RIPOR2: variants seen among roughly 807,000 people sequenced by gnomAD.
The protein encoded by RIPOR2 is rho family-interacting cell polarization regulator 2.
Under a neutral mutation model 114.5 loss-of-function variants are expected in RIPOR2, and 39 were observed. The ratio of observed to expected loss-of-function variants is 0.34; its 90% CI spans 0.26 to 0.44. The LOEUF (loss-of-function observed/expected upper bound fraction) is 0.44. Ranked by LOEUF, RIPOR2 falls within the 20% of genes least tolerant of loss-of-function variation. The pLI is 1.00. For synonymous variants in RIPOR2, 445 were observed against 484.4 expected (o/e 0.92, Z 1.07); for missense variants, 1,007 against 1,255.1 (o/e 0.80, Z 2.99).
intron 1 of RIPOR2, among the ~76,000 whole-genome samples, chr6:24,894,624 T>C (rs1720835294): frequency 6.6e-6 from 1 of 152,166 alleles, no homozygotes; most frequent in Non-Finnish European, 1.5e-5. Flanking sequence ...GCTCACATGG[T>C]TTAAGAACAG....
chr6:25,019,452 G>T (rs1448459357), intron 1 of RIPOR2, among the ~76,000 whole-genome samples: 1 of 152,150 alleles, frequency 6.6e-6, no homozygotes, highest in Non-Finnish European at 1.5e-5. Flanking sequence ...ATTGTATAAA[G>T]ATATTAATTC....
intron 8 of RIPOR2, among the ~76,000 whole-genome samples, chr6:24,856,617 C>T (rs2113809190): frequency 6.6e-6 from 1 of 152,002 alleles, no homozygotes; most frequent in East Asian, 1.9e-4. Context: ...TAGCCGGGTG[C>T]GATGGTGGGC....
intron 1 of RIPOR2, among the ~76,000 whole-genome samples, chr6:24,999,108 A>C (rs1775179995): frequency 6.6e-6 from 1 of 152,172 alleles, no homozygotes; most frequent in African/African-American, 2.4e-5. Flanking sequence ...GGAAACTTAC[A>C]GGGTGGTTAC....
chr6:24,859,578 C>G (rs1045695801), intron 8 of RIPOR2, among the ~76,000 whole-genome samples: 1 of 152,178 alleles, frequency 6.6e-6, no homozygotes, highest in African/African-American at 2.4e-5. Flanking sequence ...GACTCAGTAG[C>G]AAAGCAAGTG....
At chr6:24,893,783 C>G (rs909630326) in intron 1 of RIPOR2, among the ~76,000 whole-genome samples, 16 of 152,156 alleles carry the variant, frequency 1.1e-4, no homozygotes, top group African/African-American at 3.9e-4. Flanking sequence ...GTCAGGGAAC[C>G]TTAGATTTTG....
rs548599992 is a variant in RIPOR2 at position 24,934,765 on chromosome 6, C to T, written c.61+1073G>A. The stretch of plus-strand genomic sequence containing the variant: ...AAAAAGCTTTTGCCTATAGCCCAAT[C>T]TCATAGGCAGCATTTGAACAAAACA... On this transcript the variant is annotated intron_variant, in intron 1 of 21. Coordinates refer to ENST00000643898, the MANE Select transcript of RIPOR2 (RefSeq NM_001286445.3). Among the ~76,000 whole-genome samples the T allele has an allele frequency of 7.2e-5, 11 of 152,314 alleles. No individual in the cohort carries two copies. In the South Asian group the frequency reaches 2.1e-3, roughly 29 times the overall value.
chr6:24,851,946 C>CA (rs1256240241), intron 9 of RIPOR2, among the ~76,000 whole-genome samples: 2 of 144,350 alleles, frequency 1.4e-5, no homozygotes, highest in African/African-American at 2.6e-5. Context: ...CTGGTGTTTG[C>CA]ATCTTGCTCT....
rs1335458003 is a variant in RIPOR2 at position 24,889,200 on chromosome 6, T to C, written c.62-13383A>G. The stretch of plus-strand genomic sequence containing the variant: ...GGACTGCTTTCTCTGCTGTGGCCTC[T>C]AGAGCTCAGTAACTTTGCTTTTTTC... On this transcript the variant is annotated intron_variant, in intron 1 of 21. Transcript: ENST00000643898. Among the ~76,000 whole-genome samples, 4 of 152,346 alleles carry C rather than the reference T, an allele frequency of 2.6e-5. No homozygotes were observed. In the East Asian group the frequency reaches 7.7e-4, roughly 29 times the overall value.
At chr6:25,040,135 T>TC (rs70974962) in intron 1 of RIPOR2, among the ~76,000 whole-genome samples, 1,571 of 151,824 alleles carry the variant, frequency 0.01, 23 homozygotes, top group Middle Eastern at 0.041. Context: ...TTTTTTTTTT[T>TC]AGATGGAGTT....
intron 1 of RIPOR2, among the ~76,000 whole-genome samples, chr6:24,918,799 T>C (rs1295997453): frequency 6.6e-6 from 1 of 152,228 alleles, no homozygotes. Flanking sequence ...AGGCTCCTCC[T>C]GGCTGTGCTC....
intron 1 of RIPOR2, among the ~76,000 whole-genome samples, chr6:25,007,424 A>G (rs535438143): frequency 2.7e-4 from 41 of 152,324 alleles, no homozygotes; most frequent in Non-Finnish European, 2.9e-5. Context: ...GCTCAATACT[A>G]TGACAAATCC....
At chr6:24,994,099 T>A (rs1447756295) in intron 1 of RIPOR2, among the ~76,000 whole-genome samples, 1 of 152,174 alleles carries the variant, frequency 6.6e-6, no homozygotes, top group Non-Finnish European at 1.5e-5. Flanking sequence ...GACAAAGGTA[T>A]GACACACAGT....
intron 11 of RIPOR2, 75 bp from the exon 12 acceptor site, chr6:24,848,229 G>A: frequency 1.4e-6 from 2 of 1,459,050 alleles, no homozygotes; most frequent in Non-Finnish European, 1.9e-6. Context: ...GGCTAAGAGA[G>A]TACCTCATTA....
chr6:24,988,650 C>CT (rs1774645520), intron 1 of RIPOR2, among the ~76,000 whole-genome samples: 1 of 146,254 alleles, frequency 6.8e-6, no homozygotes, highest in East Asian at 2.1e-4. Context: ...ATTGGCTTGA[C>CT]TTTTTTCCCA....
chr6:24,831,064 T>C (rs183699382), intron 16 of RIPOR2, among the ~76,000 whole-genome samples: 67 of 151,976 alleles, frequency 4.4e-4, no homozygotes, highest in African/African-American at 1.6e-3. Context: ...AAAGGGTGTG[T>C]ATGTGGGGGG....
At chr6:24,895,463 T>A (rs1581734938) in intron 1 of RIPOR2, among the ~76,000 whole-genome samples, 1 of 151,114 alleles carries the variant, frequency 6.6e-6, no homozygotes, top group Non-Finnish European at 1.5e-5. Context: ...TCTTCTAGGG[T>A]TTAATTTTTC....
intron 1 of RIPOR2, among the ~76,000 whole-genome samples, chr6:24,962,875 T>G (rs945603840): frequency 6.6e-6 from 1 of 152,166 alleles, no homozygotes; most frequent in Non-Finnish European, 1.5e-5. Context: ...ATTCAGTGAT[T>G]GGAAGTGGAA....
At chr6:24,953,388 T>A (rs994601412) in intron 1 of RIPOR2, among the ~76,000 whole-genome samples, 1 of 152,134 alleles carries the variant, frequency 6.6e-6, no homozygotes, top group Admixed American at 6.5e-5. Context: ...CCTGATCTGA[T>A]AAGATTAGTG....
chr6:24,946,431 A>T (rs577670125), intron 1 of RIPOR2, among the ~76,000 whole-genome samples: 1 of 152,106 alleles, frequency 6.6e-6, no homozygotes, highest in African/African-American at 2.4e-5. Flanking sequence ...ACCTTCACGC[A>T]TTGGAAACCT....
Sources: allele counts gnomAD v4.1 joint callset (sites outside exome capture counted in the v4.1 genomes callset), GRCh38; gene constraint gnomAD v4.1.1; transcripts MANE v1.5; gene names NCBI Gene and HGNC (gene_info 2026-07-23, HGNC 2026-07-21).